SLIT3: variants seen among roughly 807,000 people sequenced by gnomAD.
The protein encoded by SLIT3 is slit guidance ligand 3, also known as slit homolog 3 protein.
Under a neutral mutation model 184.0 loss-of-function variants are expected in SLIT3, and 68 were observed. The observed-to-expected ratio is 0.37, with a 90% CI of 0.30 to 0.45. The LOEUF (loss-of-function observed/expected upper bound fraction) is 0.45. Among genes scored for constraint, SLIT3 ranks in the 20% least tolerant of loss-of-function variants. The probability of loss-of-function intolerance (pLI) is 1.00; values close to 1 mark genes in which losing one functional copy is unlikely to be tolerated. For synonymous variants in SLIT3, 831 were observed against 828.6 expected (o/e 1.00, Z -0.05); for missense variants, 1,707 against 2,026.0 (o/e 0.84, Z 3.02).
At chr5:168,987,838 T>C (rs1263645650) in intron 4 of SLIT3, among the ~76,000 whole-genome samples, 3 of 152,242 alleles carry the variant, frequency 2.0e-5, no homozygotes, top group Non-Finnish European at 4.4e-5. Flanking sequence ...AATATATAGA[T>C]GACTTCTTTT....
At chr5:168,892,709 T>C (rs1483299224) in intron 4 of SLIT3, among the ~76,000 whole-genome samples, 1 of 152,218 alleles carries the variant, frequency 6.6e-6, no homozygotes, top group African/African-American at 2.4e-5. Context: ...ATGCTTCCAG[T>C]CCAAACGGAA....
chr5:168,967,881 C>A (rs1763267817), intron 4 of SLIT3, among the ~76,000 whole-genome samples: 1 of 152,140 alleles, frequency 6.6e-6, no homozygotes, highest in African/African-American at 2.4e-5. Flanking sequence ...GCAAGGCTGG[C>A]AGAAAAGATG....
intron 5 of SLIT3, 61 bp downstream of exon 5, chr5:168,883,204 A>G: frequency 7.3e-7 from 1 of 1,360,940 alleles, no homozygotes; most frequent in Admixed American, 1.7e-5. Flanking sequence ...CCTCACCCTC[A>G]CTCTGGTCAG....
intron 1 of SLIT3, among the ~76,000 whole-genome samples, chr5:169,268,730 C>T (rs1322015356): frequency 6.6e-6 from 1 of 152,178 alleles, no homozygotes; most frequent in Non-Finnish European, 1.5e-5. Context: ...CTTGCAGAAC[C>T]TCAGAGGGTT....
intron 4 of SLIT3, among the ~76,000 whole-genome samples, chr5:169,031,869 T>C (rs971969609): frequency 1.3e-5 from 2 of 152,126 alleles, no homozygotes; most frequent in Non-Finnish European, 2.9e-5. Flanking sequence ...GATGATTAGG[T>C]GGTTTTCCTT....
chr5:169,218,077 A>C (rs549041817), intron 3 of SLIT3, among the ~76,000 whole-genome samples: 2 of 152,366 alleles, frequency 1.3e-5, no homozygotes, highest in South Asian at 4.1e-4. Flanking sequence ...TAGTGAAGAA[A>C]GAAGAAGGTG....
chr5:168,782,263 C>A lies in SLIT3; in HGVS notation c.1151+3644G>T, dbSNP rs182484178. 2.0e-5 allele frequency among the ~76,000 whole-genome samples: 3 copies of A among 152,248 alleles called. No homozygotes were observed. The East Asian group carries it at 5.8e-4, about 29-fold the overall frequency. On this transcript the variant is annotated intron_variant, in intron 12 of 35. Coordinates refer to ENST00000519560, the MANE Select transcript of SLIT3 (RefSeq NM_003062.4). The stretch of plus-strand genomic sequence containing the variant: ...TGGTTTGGTTTAAGACCACCTGGAG[C>A]GGGTTTAAAAGCTTCCACCTCAAAT...
At chr5:168,964,078 CAAATA>C (rs924640898) in intron 4 of SLIT3, among the ~76,000 whole-genome samples, 2 of 152,108 alleles carry the variant, frequency 1.3e-5, no homozygotes, top group Non-Finnish European at 2.9e-5. Context: ...TACATAAAAG[CAAATA>C]AAATAAAATA....
chr5:168,773,407 A>G (rs1264990176), intron 13 of SLIT3, among the ~76,000 whole-genome samples: 1 of 152,172 alleles, frequency 6.6e-6, no homozygotes, highest in Non-Finnish European at 1.5e-5. Flanking sequence ...CCTTATCATC[A>G]TAAGAGCACC....
At chr5:169,131,582 C>A (rs1482569598) in intron 4 of SLIT3, among the ~76,000 whole-genome samples, 1 of 152,220 alleles carries the variant, frequency 6.6e-6, no homozygotes, top group African/African-American at 2.4e-5. Flanking sequence ...CTTCTAAATT[C>A]TTTCCTGATT....
intron 5 of SLIT3, among the ~76,000 whole-genome samples, chr5:168,881,487 T>C (rs557638829): frequency 2.0e-5 from 3 of 152,218 alleles, no homozygotes. Context: ...ATTAGTGTCA[T>C]GAGATCTGAC....
intron 8 of SLIT3, 128 bp downstream of exon 8, chr5:168,817,172 G>A (rs1479917072): frequency 2.6e-6 from 2 of 777,670 alleles, no homozygotes; most frequent in Non-Finnish European, 2.1e-6. Flanking sequence ...TACTGAGGAC[G>A]ACCTATGGGG....
chr5:169,024,767 C>G (rs1756747968), intron 4 of SLIT3: 1 of 152,058 alleles, frequency 6.6e-6, no homozygotes, highest in African/African-American at 2.4e-5. Context: ...CCTTGCCTGT[C>G]TTTAAGGAAG....
rs529632604 is a variant in SLIT3 at position 168,762,472 on chromosome 5, C to T, written c.1610+67G>A. 4 of 1,556,060 alleles carry T rather than the reference C, an allele frequency of 2.6e-6. No homozygotes were observed. In the South Asian group the frequency reaches 4.6e-5, roughly 18 times the overall value. ...AAGGGGTCACCGCCAGGAGACCCTG[C>T]CCACGCTGGCTCCGGGTGACTGGCG... On this transcript the variant is annotated intron_variant, in intron 15 of 35. Transcript: ENST00000519560.
chr5:168,772,570 T>TG (rs1554140286), intron 14 of SLIT3: 23 of 497,204 alleles, frequency 4.6e-5, no homozygotes, highest in Admixed American at 7.6e-5. Flanking sequence ...CATGCTTTTA[T>TG]TGTGTGTGTG....
intron 4 of SLIT3, among the ~76,000 whole-genome samples, chr5:169,099,062 A>C (rs192970937): frequency 6.6e-6 from 1 of 151,706 alleles, no homozygotes; most frequent in African/African-American, 2.4e-5. Flanking sequence ...CCTTCCAGAA[A>C]TTCCCTTGAG....
chr5:169,194,229 GTC>G (rs1763665556), intron 3 of SLIT3, among the ~76,000 whole-genome samples: 1 of 64,512 alleles, frequency 1.6e-5, no homozygotes, highest in Non-Finnish European at 2.5e-5. Flanking sequence ...GCAAGACTCT[GTC>G]TCAAAAAAAA....
rs553117350 is a variant in SLIT3 at position 169,109,568 on chromosome 5, CTTA to C, written c.413+83908_413+83910del. Among the ~76,000 whole-genome samples the C allele has an allele frequency of 5.9e-5, 9 of 152,294 alleles. No individual in the cohort carries two copies. In the South Asian group the frequency reaches 1.9e-3, roughly 32 times the overall value. On this transcript the variant is annotated intron_variant, in intron 4 of 35. Coordinates refer to ENST00000519560, the MANE Select transcript of SLIT3 (RefSeq NM_003062.4). ...TTTTAAGCTTCTAAGCTGGTAGCAA[CTTA>C]TTATAGGGCAATTGAAAATGAATAC...
At chr5:168,806,220 C>T (rs1336800209) in intron 9 of SLIT3, among the ~76,000 whole-genome samples, 1 of 152,170 alleles carries the variant, frequency 6.6e-6, no homozygotes, top group Non-Finnish European at 1.5e-5. Flanking sequence ...AGTGGGAACC[C>T]CTGGCCCTAG....
Sources: gnomAD v4.1 joint callset for allele counts (sites outside exome capture counted in the v4.1 genomes callset) on GRCh38, gnomAD v4.1.1 for gene constraint, MANE v1.5 for transcripts, NCBI Gene and HGNC (gene_info 2026-07-23, HGNC 2026-07-21) for gene names.